The following SCN9A variants were observed in gnomAD, a reference collection of about 807,000 sequenced individuals.
The protein encoded by SCN9A is sodium channel protein type 9 subunit alpha.
In SCN9A, 131 loss-of-function variants were observed where a neutral mutation model predicts 187.0. The observed-to-expected ratio is 0.70, with a 90% CI of 0.61 to 0.81. The LOEUF is 0.81. Among genes scored for constraint, SCN9A ranks in the 30% least tolerant of loss-of-function variants. The pLI, the probability that SCN9A is intolerant of heterozygous loss-of-function variation, is 0.00. For missense variants in SCN9A, 2,252 were observed against 2,396.6 expected (o/e 0.94, Z 1.26); for synonymous variants, 809 against 808.6 (o/e 1.00, Z -0.01).
intron 1 of SCN9A, among the ~76,000 whole-genome samples, chr2:166,339,206 G>A (rs1334102386): frequency 1.3e-5 from 2 of 152,086 alleles, no homozygotes; most frequent in Non-Finnish European, 2.9e-5. Flanking sequence ...GCCACGCTTT[G>A]TTGGTCTGTT....
intron 1 of SCN9A, among the ~76,000 whole-genome samples, chr2:166,347,288 A>C (rs1206335353): frequency 6.6e-6 from 1 of 152,182 alleles, no homozygotes; most frequent in South Asian, 2.1e-4. Context: ...TACACCTACA[A>C]CTTCTGGCAA....
Position 166,198,935 on chromosome 2 carries a change from G to A in SCN9A, c.5704C>T (p.Arg1902Cys), listed in dbSNP as rs200956485. 5.5e-5 allele frequency: 88 copies of A among 1,613,760 alleles called. 1 individual carries two copies. The highest frequency in any genetic ancestry group is 6.8e-5 in the Non-Finnish European group (80 of 1,179,876). The change falls in exon 27 of 27, where the codon CGT becomes TGT. Residue 1902 changes from arginine to cysteine, a missense_variant. By Grantham distance (180) the Arg-to-Cys change is radical. Coordinates refer to ENST00000642356, the MANE Select transcript of SCN9A (RefSeq NM_001365536.1). ...SATVIQRAYR[R>C]YRLRQNVKNI... Reference sequence around the variant, plus strand: ...TTGACATTTTGCCTTAAGCGGTAACGTCTATAAGCACGCTGAATGACAGTA... The same window carrying A: ...TTGACATTTTGCCTTAAGCGGTAACATCTATAAGCACGCTGAATGACAGTA...
chr2:166,229,081 A>G (rs548862421), intron 21 of SCN9A, 109 bp from the exon 22 acceptor site: 1 of 861,344 alleles, frequency 1.2e-6, no homozygotes, highest in South Asian at 1.8e-5. Context: ...CCGCCCTTAA[A>G]TATCTAAGAC....
chr2:166,254,624 A>G (rs1696187521), intron 17 of SCN9A, among the ~76,000 whole-genome samples: 2 of 151,520 alleles, frequency 1.3e-5, no homozygotes, highest in African/African-American at 2.4e-5. Flanking sequence ...ATTAATTTCT[A>G]TATTATCTTC....
intron 20 of SCN9A, among the ~76,000 whole-genome samples, chr2:166,236,430 AT>A (rs1241665880): frequency 1.3e-5 from 2 of 149,720 alleles, no homozygotes; most frequent in Non-Finnish European, 2.9e-5. Flanking sequence ...AATTATTATT[AT>A]TTTTTTTGAG....
intron 2 of SCN9A, among the ~76,000 whole-genome samples, chr2:166,308,925 CAA>C (rs397986566): frequency 3.8e-5 from 3 of 78,150 alleles, no homozygotes; most frequent in Admixed American, 1.6e-4. Flanking sequence ...GACTCTGTCT[CAA>C]AAAAAAAAAA....
chr2:166,228,528 A>G (rs1445009832), intron 22 of SCN9A, among the ~76,000 whole-genome samples, 163 bp downstream of exon 22: 1 of 152,008 alleles, frequency 6.6e-6, no homozygotes, highest in African/African-American at 2.4e-5. Context: ...AAGTGAAGAG[A>G]CTACAGGCAT....
chr2:166,260,485 A>T (rs1696459848), intron 17 of SCN9A, among the ~76,000 whole-genome samples: 1 of 151,826 alleles, frequency 6.6e-6, no homozygotes, highest in Non-Finnish European at 1.5e-5. Context: ...ATGCATCCTC[A>T]ATGGACTAGT....
At chr2:166,325,560 G>A (rs1699342617) in intron 1 of SCN9A, among the ~76,000 whole-genome samples, 1 of 151,898 alleles carries the variant, frequency 6.6e-6, no homozygotes, top group South Asian at 2.1e-4. Flanking sequence ...CACTTATGAG[G>A]GAATCTGTGT....
intron 1 of SCN9A, among the ~76,000 whole-genome samples, chr2:166,340,618 TTC>T (rs879616644): frequency 0.078 from 5,759 of 73,618 alleles, 311 homozygotes; most frequent in African/African-American, 0.13. Context: ...CTTTCTTTCT[TTC>T]CTTTCTCTTC....
intron 24 of SCN9A, among the ~76,000 whole-genome samples, chr2:166,217,059 A>G (rs1310901672): frequency 6.6e-6 from 1 of 152,060 alleles, no homozygotes; most frequent in Non-Finnish European, 1.5e-5. Flanking sequence ...AAACCCAATT[A>G]TTTATAGTCA....
chr2:166,360,303 T>C (rs1385534141), intron 1 of SCN9A, among the ~76,000 whole-genome samples: 1 of 151,858 alleles, frequency 6.6e-6, no homozygotes, highest in Non-Finnish European at 1.5e-5. Flanking sequence ...AACTTAAGAT[T>C]AGTGTCAACA....
At chr2:166,303,420 A>T (rs148556202) in intron 6 of SCN9A, 118 bp from the exon 7 acceptor site, 1 of 769,886 alleles carries the variant, frequency 1.3e-6, no homozygotes, top group African/African-American at 1.8e-5. Context: ...AAGTAACCTA[A>T]TTCAAAAAAA....
At position 166,311,688 on chromosome 2, in the gene SCN9A, A is replaced by G. The variant is rs764347894; in HGVS notation, c.69T>C (p.Ile23=). The G allele has an allele frequency of 1.2e-6, 2 of 1,613,304 alleles. No homozygotes were observed. The highest frequency in any genetic ancestry group is 1.7e-6 in the Non-Finnish European group (2 of 1,179,608). Reference sequence around the variant, plus strand: ...ATTTTCTTTCAGCAATGCGTTGTTCAATGAGGGCAAGAGACTGTTTTGTGA... The same window carrying G: ...ATTTTCTTTCAGCAATGCGTTGTTCGATGAGGGCAAGAGACTGTTTTGTGA... ...VHFTKQSLAL[I]EQRIAERKSK... Residue 23 remains isoleucine (I), a synonymous_variant, in exon 2 of 27, where the codon ATT becomes ATC. Coordinates refer to ENST00000642356, the MANE Select transcript of SCN9A (RefSeq NM_001365536.1).
At chr2:166,305,148 A>T (rs988614680) in intron 5 of SCN9A, among the ~76,000 whole-genome samples, 7 of 152,104 alleles carry the variant, frequency 4.6e-5, no homozygotes, top group African/African-American at 1.7e-4. Flanking sequence ...TACTTTGATA[A>T]TTCAAAGTCA....
chr2:166,319,269 T>C (rs986405874), intron 1 of SCN9A, among the ~76,000 whole-genome samples: 1 of 151,582 alleles, frequency 6.6e-6, no homozygotes, highest in Admixed American at 6.6e-5. Context: ...GCAAACAAAA[T>C]ATATTTCTAG....
At chr2:166,344,501 C>T (rs752715463) in intron 1 of SCN9A, among the ~76,000 whole-genome samples, 10 of 152,036 alleles carry the variant, frequency 6.6e-5, no homozygotes, top group African/African-American at 9.7e-5. Flanking sequence ...TCAAGTCATC[C>T]GCCATTAGAA....
At chr2:166,320,819 T>A (rs144552092) in intron 1 of SCN9A, among the ~76,000 whole-genome samples, 136 of 152,294 alleles carry the variant, frequency 8.9e-4, no homozygotes, top group African/African-American at 3.0e-3. Flanking sequence ...CAGCTAAGTA[T>A]CATTTGTCTC....
rs200640108 is a variant in SCN9A, at chr2:166,197,141, C to T, written c.*1531G>A. 1 of 152,046 alleles carries T rather than the reference C, an allele frequency of 6.6e-6. No individual in the cohort carries two copies. The highest frequency in any genetic ancestry group is 1.5e-5 in the Non-Finnish European group (1 of 67,946). The allele number at this position is 152,046 out of a possible 1,614,324, so 9.4% of individuals were successfully genotyped here. On this transcript the variant is annotated 3_prime_UTR_variant, in exon 27 of 27. Coordinates refer to ENST00000642356, the MANE Select transcript of SCN9A (RefSeq NM_001365536.1). ...CTTCAAAACCTCCCACAAAAATCTTCTAAGTAAAACTACATTCTACCTGTG... is the reference window on the plus strand; with the variant it reads ...CTTCAAAACCTCCCACAAAAATCTTTTAAGTAAAACTACATTCTACCTGTG...
Sources: allele counts gnomAD v4.1 joint callset (sites outside exome capture counted in the v4.1 genomes callset), GRCh38; gene constraint gnomAD v4.1.1; transcripts MANE v1.5; gene names NCBI Gene and HGNC (gene_info 2026-07-23, HGNC 2026-07-21).